Variants in TMEM217 observed in about 807,000 individuals in gnomAD.
TMEM217 encodes the protein chromosome 6 open reading frame 128.
For missense variants in TMEM217, 204 were observed against 248.8 expected, an observed-to-expected ratio of 0.82 and a Z score of 1.21; for synonymous variants, 76 against 88.3, an observed-to-expected ratio of 0.86 and a Z score of 0.78.
At chr6:37,225,697 C>T (rs138720952) in intron 1 of TMEM217, among the ~76,000 whole-genome samples, 1,876 of 152,340 alleles carry the variant, frequency 0.012, 30 homozygotes, top group Middle Eastern at 0.068. Flanking sequence ...TGTCTCCCAA[C>T]ATTCATTTCT....
chr6:37,245,065 G>A (rs1197345163), intron 1 of TMEM217, among the ~76,000 whole-genome samples: 1 of 152,204 alleles, frequency 6.6e-6, no homozygotes, highest in Non-Finnish European at 1.5e-5. Context: ...GCCATGGCTT[G>A]GGTAATGTTT....
chr6:37,219,748 T>A (rs1049856529), intron 1 of TMEM217, among the ~76,000 whole-genome samples: 8 of 152,000 alleles, frequency 5.3e-5, no homozygotes, highest in African/African-American at 1.9e-4. Flanking sequence ...AAAAAAATTA[T>A]GCTGTTAACT....
chr6:37,236,063 T>G (rs902061637), intron 1 of TMEM217, among the ~76,000 whole-genome samples: 6 of 152,306 alleles, frequency 3.9e-5, no homozygotes, highest in Admixed American at 1.3e-4. Context: ...CATTGTAAAA[T>G]AAAGCTGATT....
At chr6:37,250,137 G>A (rs1765318106) in intron 1 of TMEM217, among the ~76,000 whole-genome samples, 1 of 152,102 alleles carries the variant, frequency 6.6e-6, no homozygotes, top group African/African-American at 2.4e-5. Flanking sequence ...TCTAAAAGAA[G>A]CAGGCAACAG....
chr6:37,257,955 G>T, exon 1 of TMEM217: 1 of 1,614,178 alleles, frequency 6.2e-7, no homozygotes, highest in Non-Finnish European at 8.5e-7. Flanking sequence ...TGGAAGAGGA[G>T]CGCTAAGCTG....
chr6:37,227,473 G>A (rs1763902157), intron 1 of TMEM217, among the ~76,000 whole-genome samples: 1 of 152,040 alleles, frequency 6.6e-6, no homozygotes, highest in Non-Finnish European at 1.5e-5. Flanking sequence ...TTGAGACGGA[G>A]TCTCGCTCTG....
At chr6:37,219,784 T>C (rs987570747) in intron 1 of TMEM217, among the ~76,000 whole-genome samples, 2 of 152,134 alleles carry the variant, frequency 1.3e-5, no homozygotes, top group South Asian at 2.1e-4. Flanking sequence ...TGGGCTTCCA[T>C]TGCTGCCCAG....
chr6:37,257,479 C>T (rs1051951769), intron 1 of TMEM217, 89 bp downstream of exon 1: 2 of 171,078 alleles, frequency 1.2e-5, no homozygotes, highest in Admixed American at 1.2e-4. Flanking sequence ...ATAGTATGTT[C>T]TCTCTTGCCA....
downstream of TMEM217, among the ~76,000 whole-genome samples, chr6:37,215,570 C>CAAAAAAAAAAAAAAAAAAAAAAAAAA (rs34808595): frequency 1.4e-4 from 10 of 72,368 alleles, no homozygotes; most frequent in Admixed American, 4.2e-4. Flanking sequence ...GACTCTGTCT[C>CAAAAAAAAAAAAAAAAAAAAAAAAAA]AAAAAAAAAA....
chr6:37,229,898 C>G (rs1040699713), intron 1 of TMEM217, among the ~76,000 whole-genome samples: 2 of 152,192 alleles, frequency 1.3e-5, no homozygotes, highest in Non-Finnish European at 2.9e-5. Context: ...GGTGGTTTCT[C>G]TGCTCCAGGT....
chr6:37,255,515 T>C (rs1765666349), intron 1 of TMEM217, among the ~76,000 whole-genome samples: 1 of 151,998 alleles, frequency 6.6e-6, no homozygotes, highest in Admixed American at 6.6e-5. Flanking sequence ...AAACTTCATC[T>C]CTACAAAAAT....
At chr6:37,222,863 C>T (rs571977899) in intron 1 of TMEM217, among the ~76,000 whole-genome samples, 2 of 152,330 alleles carry the variant, frequency 1.3e-5, no homozygotes, top group African/African-American at 4.8e-5. Flanking sequence ...ACCCTAGCCG[C>T]GCCTCCCTGC....
At chr6:37,234,854 A>C (rs1277167904) in intron 1 of TMEM217, among the ~76,000 whole-genome samples, 2 of 152,224 alleles carry the variant, frequency 1.3e-5, no homozygotes, top group African/African-American at 4.8e-5. Flanking sequence ...GAATAGGGAT[A>C]GGGAAGGAAG....
At chr6:37,215,570 C>CAAAAAA (rs34808595), downstream of TMEM217, among the ~76,000 whole-genome samples, 1,263 of 72,352 alleles carry the variant, frequency 0.017, 15 homozygotes, top group Non-Finnish European at 0.021. Flanking sequence ...GACTCTGTCT[C>CAAAAAA]AAAAAAAAAA....
At chr6:37,256,965 A>T (rs1016784591) in intron 1 of TMEM217, among the ~76,000 whole-genome samples, 3 of 152,236 alleles carry the variant, frequency 2.0e-5, no homozygotes, top group Non-Finnish European at 4.4e-5. Flanking sequence ...AATAAATTCA[A>T]GGGTGCAAGA....
At chr6:37,218,388 G>T in exon 2 of TMEM217, 1 of 1,467,858 alleles carries the variant, frequency 6.8e-7, no homozygotes, top group South Asian at 1.2e-5. Context: ...CCAAGGCCAG[G>T]CTGGTCTTGA....
chr6:37,227,044 G>C (rs758482442), intron 1 of TMEM217, among the ~76,000 whole-genome samples: 9 of 152,236 alleles, frequency 5.9e-5, no homozygotes, highest in Non-Finnish European at 2.9e-5. Flanking sequence ...GCCCAGGCCT[G>C]TATATCTGCA....
At chr6:37,238,333 G>A (rs1764596793) in intron 1 of TMEM217, among the ~76,000 whole-genome samples, 1 of 152,126 alleles carries the variant, frequency 6.6e-6, no homozygotes, top group African/African-American at 2.4e-5. Context: ...TTTATGCCAA[G>A]GAGTAGCTAC....
chr6:37,241,558 C>T (rs893969806), intron 1 of TMEM217, among the ~76,000 whole-genome samples: 1 of 152,144 alleles, frequency 6.6e-6, no homozygotes, highest in African/African-American at 2.4e-5. Flanking sequence ...CTTGGGCTGG[C>T]ATGAGGCAGC....
Sources: gnomAD v4.1 joint callset for allele counts (sites outside exome capture counted in the v4.1 genomes callset) on GRCh38, gnomAD v4.1.1 for gene constraint, MANE v1.5 for transcripts, NCBI Gene and HGNC (gene_info 2026-07-23, HGNC 2026-07-21) for gene names.